The following DACH1 variants were observed in gnomAD, a reference collection of about 807,000 sequenced individuals.
DACH1 encodes dachshund homolog 1.
A neutral mutation model predicts 54.2 loss-of-function variants in DACH1; 12 were observed. That is an observed-to-expected ratio of 0.22 (90% confidence interval 0.14 to 0.36). DACH1 has a LOEUF of 0.36. Among genes scored for constraint, DACH1 ranks in the 10% least tolerant of loss-of-function variants. The probability of loss-of-function intolerance (pLI) is 1.00; values close to 1 mark genes in which losing one functional copy is unlikely to be tolerated. For synonymous variants in DACH1, 386 were observed against 366.2 expected, an observed-to-expected ratio of 1.05 and a Z score of -0.62; for missense variants, 805 against 929.8, an observed-to-expected ratio of 0.87 and a Z score of 1.75.
At chr13:71,833,254 A>G (rs1888661493) in intron 1 of DACH1, among the ~76,000 whole-genome samples, 1 of 151,956 alleles carries the variant, frequency 6.6e-6, no homozygotes, top group Non-Finnish European at 1.5e-5. Context: ...GGTCCAGTGG[A>G]TGTAGGTCAC....
intron 1 of DACH1, among the ~76,000 whole-genome samples, chr13:71,711,022 C>T (rs751178732): frequency 1.3e-5 from 2 of 152,042 alleles, no homozygotes; most frequent in African/African-American, 4.8e-5. Flanking sequence ...AATTATGTCT[C>T]TTTATTGATG....
At chr13:71,827,257 G>A (rs1888416773) in intron 1 of DACH1, among the ~76,000 whole-genome samples, 1 of 151,952 alleles carries the variant, frequency 6.6e-6, no homozygotes, top group Admixed American at 6.6e-5. Flanking sequence ...ATTGTTTCCA[G>A]GGATGCAGGC....
intron 1 of DACH1, among the ~76,000 whole-genome samples, chr13:71,794,766 G>T (rs1325040660): frequency 6.6e-6 from 1 of 152,092 alleles, no homozygotes; most frequent in East Asian, 1.9e-4. Context: ...GTAAATATAG[G>T]CAGAATTCCT....
intron 2 of DACH1, among the ~76,000 whole-genome samples, chr13:71,641,493 T>C (rs1185482183): frequency 6.6e-6 from 1 of 152,140 alleles, no homozygotes; most frequent in African/African-American, 2.4e-5. Context: ...AGTGTTTTCC[T>C]CATCTGGTTA....
chr13:71,676,595 A>C (rs1403916839), intron 2 of DACH1, among the ~76,000 whole-genome samples: 2 of 152,230 alleles, frequency 1.3e-5, no homozygotes, highest in Non-Finnish European at 2.9e-5. Flanking sequence ...AAATGCTAAT[A>C]TTACAAAAGA....
At chr13:71,455,468 A>C (rs1289926689) in intron 10 of DACH1, among the ~76,000 whole-genome samples, 1 of 152,116 alleles carries the variant, frequency 6.6e-6, no homozygotes, top group East Asian at 1.9e-4. Flanking sequence ...GGGAATAAAA[A>C]CAGATTTTCC....
chr13:71,827,432 G>A (rs752118297), intron 1 of DACH1, among the ~76,000 whole-genome samples: 1 of 152,040 alleles, frequency 6.6e-6, no homozygotes, highest in Non-Finnish European at 1.5e-5. Context: ...CAAAATAAAC[G>A]TGCAACCTAA....
At chr13:71,578,576 T>C (rs1171728056) in intron 3 of DACH1, among the ~76,000 whole-genome samples, 1 of 152,200 alleles carries the variant, frequency 6.6e-6, no homozygotes, top group South Asian at 2.1e-4. Flanking sequence ...TCTTTAGGTA[T>C]TCTTTTGAAT....
At chr13:71,648,967 C>A (rs150257521) in intron 2 of DACH1, among the ~76,000 whole-genome samples, 227 of 152,220 alleles carry the variant, frequency 1.5e-3, no homozygotes, top group African/African-American at 5.2e-3. Flanking sequence ...AACTTTATTT[C>A]TCAGGATCAA....
intron 3 of DACH1, among the ~76,000 whole-genome samples, chr13:71,595,140 T>C (rs913860714): frequency 6.6e-6 from 1 of 152,072 alleles, no homozygotes; most frequent in South Asian, 2.1e-4. Flanking sequence ...GAAGAGGATC[T>C]CAAGAAGATG....
intron 4 of DACH1, among the ~76,000 whole-genome samples, chr13:71,571,104 T>C (rs182119430): frequency 1.3e-3 from 196 of 152,304 alleles, no homozygotes; most frequent in South Asian, 5.2e-3. Context: ...GTTTGCCTTA[T>C]TTATTAATGT....
At position 71,492,742 on chromosome 13, in the gene DACH1, A is replaced by AGTGTGTGT. The variant is rs112271287; in HGVS notation, c.1571-3602_1571-3595dup. ...CCCTCTCTTGTTCTGTGTGTGTGTG[A>AGTGTGTGT]GTGTGTGTGTGTGTGTGTGAGTGTA... is the stretch of plus-strand genomic sequence containing the variant. On this transcript the variant is annotated intron_variant, in intron 6 of 10. Coordinates refer to ENST00000613252, the MANE Select transcript of DACH1 (RefSeq NM_080759.6). Among the ~76,000 whole-genome samples, 807 of 139,812 alleles carry AGTGTGTGT rather than the reference A, an allele frequency of 5.8e-3. 15 individuals are homozygous for AGTGTGTGT. The East Asian group carries it at 0.089, about 15-fold the overall frequency. The allele number at this position is 139,812 out of a possible 152,430, so 91.7% of individuals were successfully genotyped here. A position where few individuals can be genotyped will look rare whatever the true frequency, so the allele number is the denominator to read the frequency against.
At chr13:71,551,564 T>G (rs1883817264) in intron 6 of DACH1, among the ~76,000 whole-genome samples, 1 of 152,160 alleles carries the variant, frequency 6.6e-6, no homozygotes, top group African/African-American at 2.4e-5. Context: ...TTTCTGTACT[T>G]GGCTTATCTC....
chr13:71,796,608 G>A (rs752674557), intron 1 of DACH1, among the ~76,000 whole-genome samples: 9 of 151,994 alleles, frequency 5.9e-5, no homozygotes, highest in African/African-American at 1.7e-4. Flanking sequence ...TCACTTGGCC[G>A]GTAAGCAAAC....
intron 1 of DACH1, among the ~76,000 whole-genome samples, chr13:71,695,695 CTA>C (rs1421745949): frequency 6.6e-6 from 1 of 152,170 alleles, no homozygotes; most frequent in South Asian, 2.1e-4. Context: ...GGTAAATTCA[CTA>C]TGTTTCTTAT....
At chr13:71,505,781 A>T (rs1055746108) in intron 6 of DACH1, among the ~76,000 whole-genome samples, 3 of 152,266 alleles carry the variant, frequency 2.0e-5, no homozygotes, top group Non-Finnish European at 4.4e-5. Flanking sequence ...TAGAAACTGA[A>T]AGTTTTACTA....
intron 1 of DACH1, among the ~76,000 whole-genome samples, chr13:71,791,327 T>C (rs1298152696): frequency 6.6e-6 from 1 of 152,190 alleles, no homozygotes; most frequent in Non-Finnish European, 1.5e-5. Context: ...TTCTTGATAA[T>C]TTATTTTTAA....
chr13:71,809,391 G>A (rs754756770), intron 1 of DACH1, among the ~76,000 whole-genome samples: 1 of 151,996 alleles, frequency 6.6e-6, no homozygotes, highest in Admixed American at 6.5e-5. Flanking sequence ...GGCTTGTCTC[G>A]AACACCTGGG....
At chr13:71,776,545 T>C (rs923527319) in intron 1 of DACH1, among the ~76,000 whole-genome samples, 1 of 152,120 alleles carries the variant, frequency 6.6e-6, no homozygotes, top group Admixed American at 6.6e-5. Context: ...CCATTTTGGG[T>C]GATGCTATAA....
Sources: gnomAD v4.1 joint callset for allele counts (sites outside exome capture counted in the v4.1 genomes callset) on GRCh38, gnomAD v4.1.1 for gene constraint, MANE v1.5 for transcripts, NCBI Gene and HGNC (gene_info 2026-07-23, HGNC 2026-07-21) for gene names.